SFI1: variants seen among roughly 807,000 people sequenced by gnomAD.
SFI1 encodes protein SFI1 homolog.
SFI1 carries 195 observed loss-of-function variants against 207.5 expected under a neutral mutation model. The ratio of observed to expected loss-of-function variants is 0.94; its 90% CI spans 0.84 to 1.06. The LOEUF is 1.06. Ranked by LOEUF, SFI1 falls within the 50% of genes least tolerant of loss-of-function variation. The pLI is 0.00. For synonymous variants in SFI1, 630 were observed against 598.9 expected (o/e 1.05, Z -0.76); for missense variants, 1,634 against 1,588.0 (o/e 1.03, Z -0.49).
At chr22:31,587,731 G>C (rs2065231483) in intron 14 of SFI1, 1 of 152,420 alleles carries the variant, frequency 6.6e-6, no homozygotes, top group African/African-American at 2.4e-5. Context: ...TTTGCTAACT[G>C]TTGAAGCTTG....
At chr22:31,562,890 C>G (rs568394266) in intron 8 of SFI1, among the ~76,000 whole-genome samples, 24 of 151,778 alleles carry the variant, frequency 1.6e-4, no homozygotes, top group African/African-American at 5.6e-4. Flanking sequence ...CATCGGCCTC[C>G]CAAAGTACTG....
rs185848878 is a variant in SFI1, at chr22:31,497,843, A to G, written c.-31+1206A>G. ...TGTTCAGAAAAAAGGATTCCTTTCAAGATATTACTGGTCATTAACAAGGCA... is the reference window on the plus strand; with the variant it reads ...TGTTCAGAAAAAAGGATTCCTTTCAGGATATTACTGGTCATTAACAAGGCA... On this transcript the variant is annotated intron_variant, in intron 1 of 32. Coordinates refer to ENST00000400288, the MANE Select transcript of SFI1 (RefSeq NM_001007467.3). 1.5e-3 allele frequency among the ~76,000 whole-genome samples: 223 copies of G among 152,314 alleles called. 1 individual carries two copies. Among genetic ancestry groups the G allele is most frequent in the Non-Finnish European group, 2.5e-3 (169 of 68,030 alleles).
chr22:31,540,116 G>T (rs2059338309), intron 4 of SFI1, among the ~76,000 whole-genome samples: 1 of 131,926 alleles, frequency 7.6e-6, no homozygotes, highest in South Asian at 2.6e-4. Context: ...CTGTGTCTCT[G>T]AAGGCCTTTC....
intron 15 of SFI1, among the ~76,000 whole-genome samples, chr22:31,601,486 C>T (rs1042220624): frequency 6.6e-6 from 1 of 152,156 alleles, no homozygotes; most frequent in Non-Finnish European, 1.5e-5. Context: ...TGGGACCCCC[C>T]CTCAGACTTG....
chr22:31,568,190 TG>T (rs1315442548), intron 8 of SFI1, among the ~76,000 whole-genome samples: 12,931 of 94,328 alleles, frequency 0.14, 855 homozygotes, highest in East Asian at 0.46. Context: ...TGTGTGTGTG[TG>T]TGTTGTGTGT....
rs751455847 is a variant in SFI1, at chr22:31,568,165, A to ATGTG, written c.766-4867_766-4864dup. ...GGACTCTCTCTCTCTCTATATATAT[A>ATGTG]TGTGTGTGTGTGTGTGTGTGTGTGT... On this transcript the variant is annotated intron_variant, in intron 8 of 32. Transcript: ENST00000400288. Among the ~76,000 whole-genome samples, 368 of 119,028 alleles carry ATGTG rather than the reference A, an allele frequency of 3.1e-3. 3 individuals carry two copies. Among genetic ancestry groups the ATGTG allele is most frequent in the African/African-American group, 8.0e-3 (238 of 29,910 alleles). The allele number at this position is 119,028 out of a possible 152,430, so 78.1% of individuals were successfully genotyped here.
chr22:31,499,193 G>A (rs2053290286), intron 1 of SFI1, among the ~76,000 whole-genome samples: 1 of 151,750 alleles, frequency 6.6e-6, no homozygotes, highest in African/African-American at 2.4e-5. Flanking sequence ...TGAGATGAGG[G>A]TCTTGTTAGT....
chr22:31,525,503 G>A (rs764657626), intron 2 of SFI1, among the ~76,000 whole-genome samples: 1 of 152,114 alleles, frequency 6.6e-6, no homozygotes, highest in Non-Finnish European at 1.5e-5. Flanking sequence ...CAGGACAGGC[G>A]GATCACTTGA....
intron 2 of SFI1, among the ~76,000 whole-genome samples, chr22:31,508,861 A>G (rs940428691): frequency 6.6e-6 from 1 of 152,090 alleles, no homozygotes. Context: ...CTTAGCTTCT[A>G]CTGGCTTCAG....
At chr22:31,573,384 T>A (rs1432257716) in intron 9 of SFI1, among the ~76,000 whole-genome samples, 170 bp downstream of exon 9, 1 of 152,250 alleles carries the variant, frequency 6.6e-6, no homozygotes, top group East Asian at 1.9e-4. Context: ...TTATTTCTCT[T>A]TGGGCTTTTA....
At chr22:31,556,580 C>G (rs1286239992) in intron 6 of SFI1, among the ~76,000 whole-genome samples, 2 of 152,188 alleles carry the variant, frequency 1.3e-5, no homozygotes, top group African/African-American at 4.8e-5. Context: ...CTTTGATTAT[C>G]ACTCATGCCA....
intron 22 of SFI1, among the ~76,000 whole-genome samples, chr22:31,608,880 C>T (rs927434659): frequency 6.6e-6 from 1 of 152,094 alleles, no homozygotes. Context: ...GTGGTACACA[C>T]CTATAGTCCC....
At chr22:31,540,126 C>T (rs1276412346) in intron 4 of SFI1, among the ~76,000 whole-genome samples, 1 of 142,016 alleles carries the variant, frequency 7.0e-6, no homozygotes, top group Non-Finnish European at 1.5e-5. Context: ...GAAGGCCTTT[C>T]CCCTTAGGTT....
intron 15 of SFI1, among the ~76,000 whole-genome samples, chr22:31,594,084 A>G (rs775526107): frequency 1.2e-4 from 18 of 152,156 alleles, no homozygotes; most frequent in Non-Finnish European, 2.5e-4. Flanking sequence ...AACCTTCATT[A>G]TTAGCCACTG....
At chr22:31,563,111 A>C (rs2061897258) in intron 8 of SFI1, among the ~76,000 whole-genome samples, 1 of 151,772 alleles carries the variant, frequency 6.6e-6, no homozygotes, top group African/African-American at 2.4e-5. Flanking sequence ...CTCCTGCCTC[A>C]GCCTCCCAAG....
chr22:31,532,191 G>A (rs1029616868), intron 4 of SFI1, among the ~76,000 whole-genome samples: 1 of 152,206 alleles, frequency 6.6e-6, no homozygotes, highest in African/African-American at 2.4e-5. Flanking sequence ...GCACTGGTGA[G>A]ACTGACAGAT....
chr22:31,526,249 G>A (rs1166158338), intron 2 of SFI1, among the ~76,000 whole-genome samples: 1 of 152,172 alleles, frequency 6.6e-6, no homozygotes, highest in Non-Finnish European at 1.5e-5. Flanking sequence ...ATAAAGGAAG[G>A]AGGTTTAATT....
chr22:31,559,897 T>C, intron 7 of SFI1: 1 of 647,886 alleles, frequency 1.5e-6, no homozygotes, highest in Non-Finnish European at 2.9e-6. Context: ...CCAAGACCAC[T>C]GGCCACCATG....
intron 3 of SFI1, chr22:31,530,489 CA>C (rs3069094): frequency 0.044 from 4,934 of 113,222 alleles, 15 homozygotes; most frequent in African/African-American, 0.08. Flanking sequence ...AACTCTGTCT[CA>C]AAAAAAAAAA....
Sources: gnomAD v4.1 joint callset for allele counts (sites outside exome capture counted in the v4.1 genomes callset) on GRCh38, gnomAD v4.1.1 for gene constraint, MANE v1.5 for transcripts, NCBI Gene and HGNC (gene_info 2026-07-23, HGNC 2026-07-21) for gene names.